The following GRM5 variants were observed in gnomAD, a reference collection of about 807,000 sequenced individuals.
GRM5 encodes glutamate metabotropic receptor 5, also known as metabotropic glutamate receptor 5.
In GRM5, 19 loss-of-function variants were observed where a neutral mutation model predicts 83.1. That is an observed-to-expected ratio of 0.23 (90% CI 0.16 to 0.34). The LOEUF is 0.34. Among genes scored for constraint, GRM5 ranks in the 10% least tolerant of loss-of-function variants. GRM5 has a pLI of 1.00. For synonymous variants in GRM5, 675 were observed against 633.6 expected, an observed-to-expected ratio of 1.07 and a Z score of -0.98; for missense variants, 1,160 against 1,588.3, an observed-to-expected ratio of 0.73 and a Z score of 4.58.
intron 3 of GRM5, among the ~76,000 whole-genome samples, chr11:88,672,053 C>G (rs1362686430): frequency 6.6e-6 from 1 of 152,038 alleles, no homozygotes; most frequent in Non-Finnish European, 1.5e-5. Context: ...GGAGATTCAT[C>G]ATTAATTCAT....
chr11:88,638,416 TTTTGTTTGTTTG>T (rs138412342), intron 4 of GRM5, among the ~76,000 whole-genome samples: 3 of 151,862 alleles, frequency 2.0e-5, no homozygotes, highest in Non-Finnish European at 2.9e-5. Context: ...GGTATAATTG[TTTTGTTTGTTTG>T]TTTGTTTGTT....
chr11:88,846,227 T>C (rs1944302340), intron 3 of GRM5, among the ~76,000 whole-genome samples: 1 of 152,066 alleles, frequency 6.6e-6, no homozygotes, highest in South Asian at 2.1e-4. Context: ...CTTATTTAAA[T>C]TTCTAACTTT....
At chr11:88,878,808 A>G (rs1226924773) in intron 2 of GRM5, among the ~76,000 whole-genome samples, 5 of 152,194 alleles carry the variant, frequency 3.3e-5, no homozygotes, top group South Asian at 2.1e-4. Context: ...TTCCAAATGT[A>G]TTATGCTAAG....
intron 4 of GRM5, among the ~76,000 whole-genome samples, chr11:88,624,444 G>A (rs995188769): frequency 6.6e-5 from 10 of 152,160 alleles, no homozygotes; most frequent in South Asian, 2.1e-4. Context: ...CCTTATGGAC[G>A]TACTCATGTA....
chr11:88,531,347 T>C (rs564646209), intron 8 of GRM5, among the ~76,000 whole-genome samples: 35 of 152,154 alleles, frequency 2.3e-4, no homozygotes, highest in African/African-American at 8.4e-4. Context: ...AATCATTAAA[T>C]AGGAATTATA....
intron 3 of GRM5, among the ~76,000 whole-genome samples, chr11:88,799,199 C>A (rs891704642): frequency 1.8e-4 from 28 of 151,990 alleles, no homozygotes; most frequent in Non-Finnish European, 3.7e-4. Context: ...TGAGAATTTT[C>A]ATTGAATTGC....
Position 88,683,362 on chromosome 11 carries a change from C to T in GRM5, c.912-29959G>A, listed in dbSNP as rs556356011. The stretch of plus-strand genomic sequence containing the variant: ...CACTATGCTGTCACCAGCGAAAACA[C>T]TGCCTAGTGGTACATCATGTAAACT... On this transcript the variant is annotated intron_variant, in intron 3 of 9. Coordinates refer to ENST00000305447, the MANE Select transcript of GRM5 (RefSeq NM_001143831.3). 8.9e-4 allele frequency among the ~76,000 whole-genome samples: 136 copies of T among 152,364 alleles called. 1 individual carries two copies. The highest frequency in any genetic ancestry group is 8.4e-3 in the Admixed American group (129 of 15,310).
chr11:88,826,343 T>A (rs1943894154), intron 3 of GRM5, among the ~76,000 whole-genome samples: 1 of 152,084 alleles, frequency 6.6e-6, no homozygotes, highest in African/African-American at 2.4e-5. Flanking sequence ...GCTGTTTTTC[T>A]TAGACCCTAA....
intron 2 of GRM5, among the ~76,000 whole-genome samples, chr11:88,871,084 A>G (rs1410290532): frequency 1.3e-5 from 2 of 151,622 alleles, no homozygotes; most frequent in Non-Finnish European, 3.0e-5. Context: ...AAATTTAAAA[A>G]TGTTGAAAAA....
chr11:88,538,409 C>T (rs960181292), intron 8 of GRM5, among the ~76,000 whole-genome samples: 1 of 152,104 alleles, frequency 6.6e-6, no homozygotes, highest in Admixed American at 6.5e-5. Context: ...GCTTTACAAG[C>T]TTTATACAAC....
At chr11:88,599,741 C>G (rs571809410) in intron 5 of GRM5, among the ~76,000 whole-genome samples, 1 of 152,116 alleles carries the variant, frequency 6.6e-6, no homozygotes, top group Non-Finnish European at 1.5e-5. Context: ...AGGTCAGGCA[C>G]GGTGGCTCAC....
intron 3 of GRM5, among the ~76,000 whole-genome samples, chr11:88,766,534 C>A (rs995490626): frequency 3.9e-5 from 6 of 151,916 alleles, no homozygotes; most frequent in African/African-American, 1.4e-4. Context: ...CCCTACTTTA[C>A]ACCACACACA....
intron 3 of GRM5, among the ~76,000 whole-genome samples, chr11:88,805,296 A>T (rs1482897802): frequency 1.3e-5 from 2 of 152,074 alleles, no homozygotes. Context: ...GATTCAAGTG[A>T]TTCTCCTGCC....
intron 3 of GRM5, among the ~76,000 whole-genome samples, chr11:88,817,043 T>C (rs544083745): frequency 2.6e-4 from 40 of 152,230 alleles, no homozygotes; most frequent in Non-Finnish European, 4.9e-4. Flanking sequence ...GCAAAAAACT[T>C]CAAATTTTAT....
At chr11:88,587,020 G>A (rs916644995) in intron 7 of GRM5, among the ~76,000 whole-genome samples, 5 of 152,112 alleles carry the variant, frequency 3.3e-5, no homozygotes, top group African/African-American at 9.7e-5. Flanking sequence ...CGTATTTACC[G>A]AAAGCTTACT....
At chr11:89,032,366 A>AC (rs1461165412) in intron 2 of GRM5, among the ~76,000 whole-genome samples, 1 of 152,104 alleles carries the variant, frequency 6.6e-6, no homozygotes, top group Admixed American at 6.6e-5. Flanking sequence ...TTATAATAGA[A>AC]CATACATTTG....
At chr11:88,786,184 C>T (rs1352806007) in intron 3 of GRM5, among the ~76,000 whole-genome samples, 1 of 152,018 alleles carries the variant, frequency 6.6e-6, no homozygotes, top group Non-Finnish European at 1.5e-5. Context: ...ATGGAACTAT[C>T]CATAAGACGT....
intron 3 of GRM5, among the ~76,000 whole-genome samples, chr11:88,706,544 A>G (rs923961699): frequency 4.6e-5 from 7 of 152,100 alleles, no homozygotes; most frequent in African/African-American, 1.7e-4. Context: ...GATACAATTT[A>G]TCATCTAACC....
intron 2 of GRM5, among the ~76,000 whole-genome samples, chr11:88,943,961 C>T (rs1435115801): frequency 2.6e-5 from 4 of 151,906 alleles, no homozygotes; most frequent in Admixed American, 6.6e-5. Context: ...AGCCTTACCT[C>T]GAGAAGTTGT....
Sources: allele counts gnomAD v4.1 joint callset (sites outside exome capture counted in the v4.1 genomes callset), GRCh38; gene constraint gnomAD v4.1.1; transcripts MANE v1.5; gene names NCBI Gene and HGNC (gene_info 2026-07-23, HGNC 2026-07-21).